Variants in RIC1 observed in about 807,000 individuals in gnomAD.
RIC1 encodes the protein guanine nucleotide exchange factor subunit RIC1.
In RIC1, 88 loss-of-function variants were observed where a neutral mutation model predicts 169.0. The observed-to-expected ratio is 0.52, with a 90% confidence interval of 0.44 to 0.62. The LOEUF is 0.62. RIC1 is among the 20% of genes least tolerant of loss of function. The probability of loss-of-function intolerance (pLI) is 0.00; values close to 1 mark genes in which losing one functional copy is unlikely to be tolerated. For missense variants in RIC1, 1,877 were observed against 1,725.5 expected, an observed-to-expected ratio of 1.09 and a Z score of -1.56; for synonymous variants, 790 against 601.5, an observed-to-expected ratio of 1.31 and a Z score of -4.59.
intron 3 of RIC1, among the ~76,000 whole-genome samples, chr9:5,696,027 C>G (rs920945809): frequency 2.0e-5 from 3 of 152,112 alleles, no homozygotes; most frequent in African/African-American, 2.4e-5. Context: ...GTTTCTTCCT[C>G]TGGATTGTTT....
Position 5,756,354 on chromosome 9 carries a change from T to C in RIC1, c.1835T>C (p.Ile612Thr), listed in dbSNP as rs1264780313. Reference protein sequence around the residue: ...RADCSICLYSIERKSDGPNTT... With the variant: ...RADCSICLYSTERKSDGPNTT... ...GACTGTTCAATATGCCTTTACAGTA[T>C]TGAAAGAAAATCTGATGGGTAAGTA... is the stretch of plus-strand genomic sequence containing the variant. The change falls in exon 16 of 26, where the codon ATT becomes ACT. Residue 612 changes from isoleucine (I) to threonine (T), a missense_variant. Coordinates refer to ENST00000414202, the MANE Select transcript of RIC1 (RefSeq NM_020829.4). 3.3e-6 allele frequency: 5 copies of C among 1,499,250 alleles called. No homozygotes were observed. The highest frequency in any genetic ancestry group is 1.9e-5 in the Admixed American group (1 of 51,590). The allele number at this position is 1,499,250 out of a possible 1,614,324, so 92.9% of individuals were successfully genotyped here.
chr9:5,631,965 G>A (rs538445943), intron 1 of RIC1, among the ~76,000 whole-genome samples: 9 of 152,268 alleles, frequency 5.9e-5, no homozygotes, highest in African/African-American at 1.9e-4. Flanking sequence ...ATAATTTAGA[G>A]TGAATTGGTT....
At chr9:5,701,703 T>C (rs1209626206) in intron 3 of RIC1, among the ~76,000 whole-genome samples, 1 of 152,236 alleles carries the variant, frequency 6.6e-6, no homozygotes, top group African/African-American at 2.4e-5. Flanking sequence ...TTGCTCTGTA[T>C]AATTCGTACT....
intron 17 of RIC1, among the ~76,000 whole-genome samples, chr9:5,760,218 GT>G (rs1687247829): frequency 1.3e-5 from 2 of 152,134 alleles, no homozygotes; most frequent in African/African-American, 4.8e-5. Context: ...TCTGCCAGGG[GT>G]TTTTTTAGGG....
At chr9:5,690,900 C>T (rs1424894287) in intron 3 of RIC1, among the ~76,000 whole-genome samples, 1 of 151,566 alleles carries the variant, frequency 6.6e-6, no homozygotes, top group Non-Finnish European at 1.5e-5. Context: ...CTAACAAACT[C>T]AAGAGAAAGT....
chr9:5,770,393 T>G (rs1183968851), intron 23 of RIC1, 115 bp downstream of exon 23: 7 of 929,010 alleles, frequency 7.5e-6, no homozygotes, highest in Non-Finnish European at 1.1e-5. Flanking sequence ...ATTAACCATT[T>G]GTATCCACTG....
chr9:5,715,220 G>T (rs1354053160), intron 4 of RIC1, among the ~76,000 whole-genome samples: 3 of 152,164 alleles, frequency 2.0e-5, no homozygotes, highest in Non-Finnish European at 4.4e-5. Flanking sequence ...AAAGTAACTT[G>T]ATACATAAGG....
At chr9:5,653,189 T>G in intron 1 of RIC1, among the ~76,000 whole-genome samples, 1 of 152,168 alleles carries the variant, frequency 6.6e-6, no homozygotes, top group East Asian at 1.9e-4. Context: ...AAAGACTGTC[T>G]TTTCTCTGTT....
At chr9:5,653,446 GT>G (rs1195492703) in intron 1 of RIC1, among the ~76,000 whole-genome samples, 13 of 152,206 alleles carry the variant, frequency 8.5e-5, no homozygotes, top group African/African-American at 2.9e-4. Flanking sequence ...GAGTGACTTT[GT>G]TGATAGCCAG....
At chr9:5,641,287 T>G (rs1003302408) in intron 1 of RIC1, among the ~76,000 whole-genome samples, 2 of 151,980 alleles carry the variant, frequency 1.3e-5, no homozygotes, top group Non-Finnish European at 2.9e-5. Context: ...GAGATGGGGT[T>G]TCACTGTGTT....
At chr9:5,689,276 C>T (rs892693201) in intron 2 of RIC1, among the ~76,000 whole-genome samples, 2 of 151,906 alleles carry the variant, frequency 1.3e-5, no homozygotes, top group East Asian at 3.9e-4. Context: ...TGGTCTTGAT[C>T]TCCTGACCTC....
intron 6 of RIC1, among the ~76,000 whole-genome samples, chr9:5,721,367 C>T (rs1458866417): frequency 6.6e-6 from 1 of 152,142 alleles, no homozygotes; most frequent in Non-Finnish European, 1.5e-5. Context: ...TTATTAAAAG[C>T]AAGCTCTCAG....
intron 2 of RIC1, among the ~76,000 whole-genome samples, chr9:5,660,555 TGA>T (rs1267350984): frequency 1.3e-5 from 2 of 152,260 alleles, no homozygotes; most frequent in Non-Finnish European, 2.9e-5. Flanking sequence ...CTGGCTTGTG[TGA>T]GACGGTATCT....
At position 5,775,958 on chromosome 9, in the gene RIC1, A is replaced by G. The variant is rs1013150056; in HGVS notation, c.*1712A>G. On this transcript the variant is annotated 3_prime_UTR_variant, in exon 26 of 26. Coordinates refer to ENST00000414202, the MANE Select transcript of RIC1 (RefSeq NM_020829.4). ...TACATGCAGCCCAGCAAGAAACTAA[A>G]CTGAACTCTCTTCTCCTATCCTAGT... 2 of 152,142 alleles carry G rather than the reference A, an allele frequency of 1.3e-5. No individual in the cohort carries two copies. Among genetic ancestry groups the G allele is most frequent in the African/African-American group, 4.8e-5 (2 of 41,446 alleles). 9.4% of individuals were successfully genotyped at this position (152,142 alleles called of 1,614,324 possible).
chr9:5,639,195 A>G (rs1328263999), intron 1 of RIC1, among the ~76,000 whole-genome samples: 1 of 152,158 alleles, frequency 6.6e-6, no homozygotes, highest in African/African-American at 2.4e-5. Flanking sequence ...ATGAGCCACT[A>G]TACCCGGCCA....
chr9:5,752,494 G>A (rs1229305552), intron 12 of RIC1, among the ~76,000 whole-genome samples: 1 of 150,344 alleles, frequency 6.7e-6, no homozygotes, highest in Non-Finnish European at 1.5e-5. Flanking sequence ...AGGCTGGAGT[G>A]CAGTGGCGCG....
At chr9:5,744,546 G>A (rs1825270074) in intron 10 of RIC1, among the ~76,000 whole-genome samples, 1 of 152,154 alleles carries the variant, frequency 6.6e-6, no homozygotes, top group Non-Finnish European at 1.5e-5. Flanking sequence ...TGGGACTCAA[G>A]TCTAAACACA....
chr9:5,720,398 G>A, intron 5 of RIC1, 74 bp downstream of exon 5: 1 of 1,428,694 alleles, frequency 7.0e-7, no homozygotes, highest in Non-Finnish European at 9.6e-7. Flanking sequence ...TTCTATGGAT[G>A]AACACTTCTT....
intron 6 of RIC1, among the ~76,000 whole-genome samples, chr9:5,731,604 T>G (rs1321848696): frequency 1.3e-5 from 2 of 152,182 alleles, no homozygotes; most frequent in Non-Finnish European, 2.9e-5. Context: ...ATCTAAAATG[T>G]CTGTGATTTG....
Sources: allele counts gnomAD v4.1 joint callset (sites outside exome capture counted in the v4.1 genomes callset), GRCh38; gene constraint gnomAD v4.1.1; transcripts MANE v1.5; gene names NCBI Gene and HGNC (gene_info 2026-07-23, HGNC 2026-07-21).